EYA1: variants seen among roughly 807,000 people sequenced by gnomAD.
EYA1 encodes the protein protein phosphatase EYA1.
Under a neutral mutation model 82.0 loss-of-function variants are expected in EYA1, and 16 were observed. The observed-to-expected ratio is 0.20, with a 90% CI of 0.13 to 0.30. EYA1 has a LOEUF of 0.30. Ranked by LOEUF, EYA1 falls within the 10% of genes least tolerant of loss-of-function variation. The pLI is 1.00. For synonymous variants in EYA1, 261 were observed against 264.4 expected (o/e 0.99, Z 0.12); for missense variants, 633 against 730.7 (o/e 0.87, Z 1.54).
At chr8:71,473,943 A>G (rs897147823) in intron 2 of EYA1, among the ~76,000 whole-genome samples, 4 of 152,066 alleles carry the variant, frequency 2.6e-5, no homozygotes, top group Non-Finnish European at 5.9e-5. Context: ...GCAAACTAAA[A>G]CAGGAACAGA....
At chr8:71,410,785 G>A (rs1395637185) in intron 2 of EYA1, among the ~76,000 whole-genome samples, 37 of 149,618 alleles carry the variant, frequency 2.5e-4, no homozygotes, top group Admixed American at 1.5e-3. Context: ...AATCAATATC[G>A]TGAAAATGGC....
chr8:71,423,306 T>C (rs750115407), intron 2 of EYA1, among the ~76,000 whole-genome samples: 1 of 152,184 alleles, frequency 6.6e-6, no homozygotes, highest in Non-Finnish European at 1.5e-5. Flanking sequence ...CTGAAATATT[T>C]TTCCCCAACA....
chr8:71,274,869 A>G (rs1816940661), intron 9 of EYA1, among the ~76,000 whole-genome samples: 1 of 151,970 alleles, frequency 6.6e-6, no homozygotes, highest in African/African-American at 2.4e-5. Context: ...AAAGTGGGAG[A>G]GAGAGAGAGA....
intron 2 of EYA1, among the ~76,000 whole-genome samples, chr8:71,410,523 C>T (rs1306582902): frequency 1.7e-5 from 2 of 114,738 alleles, no homozygotes; most frequent in African/African-American, 3.1e-5. Flanking sequence ...TAAGCAACTT[C>T]AGCAAAGTCT....
chr8:71,442,646 G>C (rs1806510168), intron 2 of EYA1, among the ~76,000 whole-genome samples: 1 of 152,030 alleles, frequency 6.6e-6, no homozygotes, highest in Non-Finnish European at 1.5e-5. Context: ...CATGAACTTA[G>C]GTATTATGGC....
chr8:71,454,501 T>A (rs571210525), intron 2 of EYA1, among the ~76,000 whole-genome samples: 108 of 152,304 alleles, frequency 7.1e-4, no homozygotes, highest in African/African-American at 2.5e-3. Context: ...TATTCCAAAA[T>A]TGACCACGAA....
intron 11 of EYA1, among the ~76,000 whole-genome samples, chr8:71,253,587 C>T (rs1303929593): frequency 6.6e-6 from 1 of 152,146 alleles, no homozygotes; most frequent in Non-Finnish European, 1.5e-5. Context: ...GACAAAGAAA[C>T]TACCCGTAGA....
At chr8:71,267,579 T>C (rs954527779) in intron 11 of EYA1, among the ~76,000 whole-genome samples, 12 of 152,196 alleles carry the variant, frequency 7.9e-5, no homozygotes, top group Non-Finnish European at 1.2e-4. Flanking sequence ...GATGGAGTCT[T>C]GCTCTGTTGC....
At position 71,338,475 on chromosome 8, in the gene EYA1, C is replaced by T. The variant is rs182471721; in HGVS notation, c.125-4301G>A. ...AACCATCTTCCTTCGTCATAAATTT[C>T]AGTGTGGATCTATCTATCAGACCAT... On this transcript the variant is annotated intron_variant, in intron 3 of 17. Coordinates refer to ENST00000340726, the MANE Select transcript of EYA1 (RefSeq NM_000503.6). Among the ~76,000 whole-genome samples the T allele has an allele frequency of 3.3e-5, 5 of 152,258 alleles. No individual in the cohort carries two copies. The East Asian group carries it at 9.7e-4, about 29-fold the overall frequency.
intron 2 of EYA1, among the ~76,000 whole-genome samples, chr8:71,450,642 A>G (rs547189969): frequency 5.3e-5 from 8 of 152,350 alleles, no homozygotes; most frequent in East Asian, 1.9e-4. Flanking sequence ...CTGTTGGGAA[A>G]ATGGCACCAA....
intron 3 of EYA1, among the ~76,000 whole-genome samples, chr8:71,335,712 G>T (rs1263378499): frequency 6.6e-6 from 1 of 152,018 alleles, no homozygotes; most frequent in African/African-American, 2.4e-5. Context: ...CACTGCCATC[G>T]TTTCAGGAAA....
At chr8:71,448,025 T>TTTTTTTTTTTTTTTTTTAACGGAG (rs935912194) in intron 2 of EYA1, among the ~76,000 whole-genome samples, 116 of 116,722 alleles carry the variant, frequency 9.9e-4, no homozygotes, top group Middle Eastern at 3.8e-3. Flanking sequence ...TTTTTTTTTT[T>TTTTTTTTTTTTTTTTTTAACGGAG]TCTCGCTCCG....
chr8:71,211,315 G>T, intron 16 of EYA1, 59 bp from the exon 17 acceptor site: 5 of 1,107,204 alleles, frequency 4.5e-6, no homozygotes, highest in Non-Finnish European at 6.9e-6. Flanking sequence ...ATGTGACAGT[G>T]CTTGAACTTT....
At chr8:71,523,464 T>G (rs1032463536) in intron 2 of EYA1, among the ~76,000 whole-genome samples, 1 of 152,102 alleles carries the variant, frequency 6.6e-6, no homozygotes, top group Non-Finnish European at 1.5e-5. Context: ...AGGCGTGACC[T>G]ACCGCGCCCG....
chr8:71,445,289 G>C (rs1162373800), intron 2 of EYA1, among the ~76,000 whole-genome samples: 1 of 152,090 alleles, frequency 6.6e-6, no homozygotes, highest in Non-Finnish European at 1.5e-5. Flanking sequence ...AAAGAGATTG[G>C]ATTTTATACT....
chr8:71,239,506 A>T (rs1812221755), intron 12 of EYA1, among the ~76,000 whole-genome samples: 2 of 152,254 alleles, frequency 1.3e-5, no homozygotes, highest in Admixed American at 6.5e-5. Flanking sequence ...GGATTTAAAA[A>T]ATGTGGTCCT....
At chr8:71,522,996 C>T (rs1049522739) in intron 2 of EYA1, among the ~76,000 whole-genome samples, 2 of 152,110 alleles carry the variant, frequency 1.3e-5, no homozygotes, top group African/African-American at 4.8e-5. Context: ...GCAAAATACA[C>T]TTATGTTAAA....
chr8:71,529,436 A>T (rs1203022169), intron 2 of EYA1: 1 of 152,258 alleles, frequency 6.6e-6, no homozygotes, highest in Non-Finnish European at 1.5e-5. Context: ...AGATACTTCC[A>T]TCAAATAGAT....
chr8:71,354,874 C>T lies in EYA1; in HGVS notation c.32G>A (p.Ser11Asn), dbSNP rs1164012590. ...GGATTCACTACTACCACTCAGACGG[C>T]TATGCGGGCTGGTTAGATCCTGCAT... is the stretch of plus-strand genomic sequence containing the variant. Reference protein sequence around the residue: MEMQDLTSPHSRLSGSSESPS... With the variant: MEMQDLTSPHNRLSGSSESPS... Residue 11 changes from serine (S) to asparagine (N), a missense_variant, in exon 3 of 18, where the codon AGC (serine) becomes AAC (asparagine). Physicochemically the swap from Ser to Asn is conservative, Grantham distance 46. Coordinates refer to ENST00000340726, the MANE Select transcript of EYA1 (RefSeq NM_000503.6). 1 of 1,613,522 alleles carries T rather than the reference C, an allele frequency of 6.2e-7. No homozygotes were observed. Among genetic ancestry groups the T allele is most frequent in the African/African-American group, 1.3e-5 (1 of 74,908 alleles).
Sources: allele counts gnomAD v4.1 joint callset (sites outside exome capture counted in the v4.1 genomes callset), GRCh38; gene constraint gnomAD v4.1.1; transcripts MANE v1.5; gene names NCBI Gene and HGNC (gene_info 2026-07-23, HGNC 2026-07-21).